The following ANK3 variants were observed in gnomAD, a reference collection of about 807,000 sequenced individuals.
ANK3 encodes the protein ankyrin 3.
A neutral mutation model predicts 370.9 loss-of-function variants in ANK3; 57 were observed. The ratio of observed to expected loss-of-function variants is 0.15; its 90% confidence interval spans 0.12 to 0.19. ANK3 has a LOEUF of 0.19. Ranked by LOEUF, ANK3 falls within the 10% of genes least tolerant of loss-of-function variation. The pLI is 1.00. For missense variants in ANK3, 4,439 were observed against 5,302.1 expected, an observed-to-expected ratio of 0.84 and a Z score of 5.06; for synonymous variants, 1,929 against 1,946.3, an observed-to-expected ratio of 0.99 and a Z score of 0.23.
At chr10:60,706,903 T>C (rs1219824224) in intron 1 of ANK3, among the ~76,000 whole-genome samples, 2 of 152,148 alleles carry the variant, frequency 1.3e-5, no homozygotes, top group East Asian at 3.9e-4. Context: ...AACTTGAAAT[T>C]CCCTGGCATA....
At chr10:60,684,788 G>A (rs2079246254) in intron 1 of ANK3, 2 of 1,552,142 alleles carry the variant, frequency 1.3e-6, no homozygotes, top group African/African-American at 2.7e-5. Flanking sequence ...TGCACAGATG[G>A]CATTTTATTT....
At chr10:60,533,595 A>G (rs2076656380) in intron 2 of ANK3, among the ~76,000 whole-genome samples, 2 of 152,174 alleles carry the variant, frequency 1.3e-5, no homozygotes, top group Non-Finnish European at 2.9e-5. Context: ...TGAAGAGGGA[A>G]CAAAGTGCAC....
intron 2 of ANK3, chr10:60,572,516 T>G: frequency 6.5e-7 from 1 of 1,535,920 alleles, no homozygotes; most frequent in African/African-American, 1.4e-5. Flanking sequence ...TCTCCTTTGG[T>G]TCTTCACTCA....
chr10:60,051,844 A>T (rs933684865), intron 42 of ANK3, among the ~76,000 whole-genome samples: 5 of 151,944 alleles, frequency 3.3e-5, no homozygotes, highest in African/African-American at 1.2e-4. Context: ...TTATTAAAAA[A>T]TAATTATGGA....
intron 7 of ANK3, among the ~76,000 whole-genome samples, chr10:60,259,418 G>A (rs2097775097): frequency 2.0e-5 from 3 of 152,164 alleles, no homozygotes; most frequent in African/African-American, 4.8e-5. Context: ...TGGGAAAAAT[G>A]CATTTCTGAA....
intron 2 of ANK3, among the ~76,000 whole-genome samples, chr10:60,406,648 C>T (rs557945697): frequency 8.5e-5 from 13 of 152,178 alleles, no homozygotes; most frequent in Middle Eastern, 3.4e-3. Flanking sequence ...GTCCACAGCC[C>T]GGGGGCTGAG....
At chr10:60,704,030 T>C (rs1430922949) in intron 1 of ANK3, among the ~76,000 whole-genome samples, 2 of 152,196 alleles carry the variant, frequency 1.3e-5, no homozygotes, top group African/African-American at 4.8e-5. Context: ...CTTGGAATAC[T>C]TGCTCTTAGG....
chr10:60,203,158 G>T, intron 11 of ANK3, 58 bp from the exon 12 acceptor site: 2 of 1,254,066 alleles, frequency 1.6e-6, no homozygotes, highest in Non-Finnish European at 2.3e-6. Flanking sequence ...AGGTTTGTCT[G>T]TGAGCCTGCC....
In ANK3 at chr10:60,074,593, A is replaced by G; in HGVS notation, c.6288T>C (p.Cys2096=). 6.2e-7 allele frequency: 1 copy of G among 1,614,168 alleles called. No homozygotes were observed. Among genetic ancestry groups the G allele is most frequent in the Non-Finnish European group, 8.5e-7 (1 of 1,180,012 alleles). Residue 2096 remains cysteine (C), a synonymous_variant, in exon 37 of 44, where the codon TGT becomes TGC. Transcript: ENST00000280772. ...MRTSTSEKEL[C]KMADSFFGTD... ...TTCCAAAAAAGGAATCAGCCATTTT[A>G]CACAATTCTTTCTCAGAGGTGGAAG...
chr10:60,223,744 G>A (rs1056095821), intron 8 of ANK3, among the ~76,000 whole-genome samples: 1 of 152,078 alleles, frequency 6.6e-6, no homozygotes, highest in Non-Finnish European at 1.5e-5. Context: ...TAAAATTCTC[G>A]ATAGAATAAG....
intron 1 of ANK3, among the ~76,000 whole-genome samples, chr10:60,380,737 A>G (rs551064600): frequency 6.6e-6 from 1 of 152,262 alleles, no homozygotes; most frequent in African/African-American, 2.4e-5. Context: ...AGGGTCTATG[A>G]TGAAAATGTC....
chr10:60,237,649 G>C (rs1029024037), intron 7 of ANK3, among the ~76,000 whole-genome samples: 4 of 150,920 alleles, frequency 2.7e-5, no homozygotes, highest in Non-Finnish European at 5.9e-5. Flanking sequence ...TTAAGTTTTA[G>C]GGTACATGTG....
chr10:60,582,516 G>T (rs1243194443), intron 2 of ANK3, among the ~76,000 whole-genome samples: 1 of 151,910 alleles, frequency 6.6e-6, no homozygotes, highest in Admixed American at 6.6e-5. Flanking sequence ...TGCCAGAGTT[G>T]AGCAAAGGGC....
intron 1 of ANK3, among the ~76,000 whole-genome samples, chr10:60,326,643 A>G (rs75448159): frequency 0.079 from 11,977 of 151,848 alleles, 619 homozygotes; most frequent in South Asian, 0.13. Flanking sequence ...AAATCTCACA[A>G]CCCCTCTCAG....
At chr10:60,413,884 C>A (rs2063608797) in intron 2 of ANK3, among the ~76,000 whole-genome samples, 1 of 152,052 alleles carries the variant, frequency 6.6e-6, no homozygotes, top group African/African-American at 2.4e-5. Flanking sequence ...GCAGTCCCAG[C>A]AACTCAGGAG....
rs374474663 is a variant in ANK3 at position 60,073,300 on chromosome 10, T to C, written c.7581A>G (p.Val2527=). 1.9e-6 allele frequency: 3 copies of C among 1,613,968 alleles called. No homozygotes were observed. The African/African-American group carries it at 4.0e-5, about 22-fold the overall frequency. The change falls in exon 37 of 44, where the codon GTA becomes GTG. Residue 2527 remains valine (V), a synonymous_variant. Transcript: ENST00000280772. ...KIYKDVSENG[V]GKVSKDEHFD... ...AATGCTCATCTTTAGACACTTTACCTACACCATTTTCAGAAACATCTTTAT... is the reference window on the plus strand; with the variant it reads ...AATGCTCATCTTTAGACACTTTACCCACACCATTTTCAGAAACATCTTTAT...
intron 1 of ANK3, among the ~76,000 whole-genome samples, chr10:60,306,407 T>A (rs1162651385): frequency 1.3e-5 from 2 of 149,354 alleles, no homozygotes; most frequent in African/African-American, 2.5e-5. Flanking sequence ...TATGGCTGAG[T>A]AGTATTCCAC....
intron 1 of ANK3, among the ~76,000 whole-genome samples, chr10:60,353,324 A>C (rs1167887064): frequency 6.6e-6 from 1 of 152,028 alleles, no homozygotes; most frequent in Admixed American, 6.5e-5. Flanking sequence ...GTATTTCTTT[A>C]GTCCATGAGT....
intron 7 of ANK3, among the ~76,000 whole-genome samples, chr10:60,244,032 T>C (rs2097517061): frequency 6.6e-6 from 1 of 152,214 alleles, no homozygotes; most frequent in African/African-American, 2.4e-5. Context: ...TGGGTACTAT[T>C]GATGTCAGGG....
Sources: gnomAD v4.1 joint callset for allele counts (sites outside exome capture counted in the v4.1 genomes callset) on GRCh38, gnomAD v4.1.1 for gene constraint, MANE v1.5 for transcripts, NCBI Gene and HGNC (gene_info 2026-07-23, HGNC 2026-07-21) for gene names.